The following B4GALT1 variants were observed in gnomAD, a reference collection of about 807,000 sequenced individuals.
The protein encoded by B4GALT1 is N-acetyllactosamine synthase.
A neutral mutation model predicts 34.9 loss-of-function variants in B4GALT1; 16 were observed. The observed-to-expected ratio is 0.46, with a 90% CI of 0.31 to 0.70. The LOEUF is 0.70. B4GALT1 is among the 30% of genes least tolerant of loss of function. The pLI, the probability that B4GALT1 is intolerant of heterozygous loss-of-function variation, is 0.05. For missense variants in B4GALT1, 445 were observed against 530.5 expected (o/e 0.84, Z 1.58); for synonymous variants, 221 against 218.1 (o/e 1.01, Z -0.12).
chr9:33,126,438 TTTG>T lies in B4GALT1; in HGVS notation c.649-5835_649-5833del, dbSNP rs1028280490. Among the ~76,000 whole-genome samples, 7 of 152,008 alleles carry T rather than the reference TTTG, an allele frequency of 4.6e-5. No individual in the cohort carries two copies. The South Asian group carries it at 6.2e-4, about 14-fold the overall frequency. On this transcript the variant is annotated intron_variant, in intron 2 of 5. Coordinates refer to ENST00000379731, the MANE Select transcript of B4GALT1 (RefSeq NM_001497.4). ...ACAGCAGTTGGGCTCTAGTTTTGCT[TTTG>T]TTGTTGTTGTTTTTTTGCAGGGGAG...
intron 1 of B4GALT1, among the ~76,000 whole-genome samples, chr9:33,160,691 G>A (rs899468488): frequency 5.3e-5 from 8 of 152,076 alleles, no homozygotes; most frequent in Admixed American, 2.0e-4. Flanking sequence ...CGCTTAGCCC[G>A]AGAGGTCGAG....
At chr9:33,163,388 C>T (rs79074215) in intron 1 of B4GALT1, among the ~76,000 whole-genome samples, 251 of 152,324 alleles carry the variant, frequency 1.6e-3, no homozygotes, top group African/African-American at 5.7e-3. Context: ...TCAGAGTCTT[C>T]CCTTTGAACA....
upstream of B4GALT1, among the ~76,000 whole-genome samples, chr9:33,171,370 T>C (rs1038954775): frequency 3.9e-5 from 6 of 152,180 alleles, no homozygotes; most frequent in South Asian, 2.1e-4. Context: ...CAAAGGACTC[T>C]CCATGTGGCT....
At chr9:33,139,853 C>T (rs990068492) in intron 1 of B4GALT1, among the ~76,000 whole-genome samples, 2 of 152,282 alleles carry the variant, frequency 1.3e-5, no homozygotes, top group African/African-American at 4.8e-5. Context: ...TGTGCTACCA[C>T]AGGCTCTCGG....
At chr9:33,133,774 C>G (rs1258520519) in intron 2 of B4GALT1, among the ~76,000 whole-genome samples, 5 of 151,788 alleles carry the variant, frequency 3.3e-5, no homozygotes, top group African/African-American at 1.2e-4. Context: ...AGGGCTTGTT[C>G]TGCTCTCTCC....
chr9:33,160,002 C>T (rs1202931977), intron 1 of B4GALT1, among the ~76,000 whole-genome samples: 1 of 152,236 alleles, frequency 6.6e-6, no homozygotes, highest in Non-Finnish European at 1.5e-5. Flanking sequence ...TTTGCCCCTG[C>T]CCCCAGGCAC....
At chr9:33,172,901 G>C in the B4GALT1 span, among the ~76,000 whole-genome samples, 5 of 151,416 alleles carry the variant, frequency 3.3e-5, 1 homozygote, top group African/African-American at 4.9e-5. Context: ...GCATAGACAG[G>C]GTGTCAAAGC....
At chr9:33,133,916 G>A (rs1840229701) in intron 2 of B4GALT1, among the ~76,000 whole-genome samples, 1 of 152,190 alleles carries the variant, frequency 6.6e-6, no homozygotes, top group South Asian at 2.1e-4. Context: ...GGCCCCAGCT[G>A]AGAAGCCCAT....
chr9:33,176,124 T>C, the B4GALT1 span, among the ~76,000 whole-genome samples: 2 of 152,310 alleles, frequency 1.3e-5, no homozygotes, highest in African/African-American at 2.4e-5. Context: ...GTGGCTCTTA[T>C]CTCTACCCTT....
intron 1 of B4GALT1, among the ~76,000 whole-genome samples, chr9:33,141,236 G>A (rs1840344843): frequency 6.6e-6 from 1 of 152,170 alleles, no homozygotes; most frequent in South Asian, 2.1e-4. Flanking sequence ...TGGGCATGGT[G>A]GCTCATGTCT....
At chr9:33,106,265 T>C (rs1424794774), downstream of B4GALT1, among the ~76,000 whole-genome samples, 4 of 152,240 alleles carry the variant, frequency 2.6e-5, no homozygotes, top group Non-Finnish European at 5.9e-5. Flanking sequence ...GGGAGCCTTC[T>C]TAAGGTCAGG....
intron 2 of B4GALT1, among the ~76,000 whole-genome samples, chr9:33,127,411 AG>A (rs1222177354): frequency 1.3e-5 from 2 of 152,256 alleles, no homozygotes; most frequent in Non-Finnish European, 2.9e-5. Context: ...TTAAGATACA[AG>A]TTGGAGAAAA....
At chr9:33,113,612 T>G (rs1839896432) in intron 5 of B4GALT1, 26 bp from the exon 6 acceptor site, 1 of 1,614,048 alleles carries the variant, frequency 6.2e-7, no homozygotes, top group Non-Finnish European at 8.5e-7. Flanking sequence ...CACAAGGAGA[T>G]TGTCTTAAAA....
intron 3 of B4GALT1, among the ~76,000 whole-genome samples, chr9:33,119,859 G>C (rs1458090722): frequency 1.3e-5 from 2 of 152,160 alleles, no homozygotes; most frequent in Non-Finnish European, 2.9e-5. Flanking sequence ...ATCATTTGGA[G>C]CTTAAAGATG....
At chr9:33,184,575 T>A in the B4GALT1 span, among the ~76,000 whole-genome samples, 1 of 152,196 alleles carries the variant, frequency 6.6e-6, no homozygotes, top group Non-Finnish European at 1.5e-5. Context: ...AAGAACCTCC[T>A]CCAGGTGCTC....
At chr9:33,175,487 G>A in the B4GALT1 span, among the ~76,000 whole-genome samples, 6 of 152,108 alleles carry the variant, frequency 3.9e-5, no homozygotes, top group East Asian at 3.9e-4. Context: ...GCATCATATC[G>A]GAAATTTACT....
rs1044027323 is a variant in B4GALT1 at position 33,167,110 on chromosome 9, C to G, written c.60G>C (p.Gln20His). The G allele has an allele frequency of 6.2e-7, 1 of 1,604,526 alleles. No homozygotes were observed. Among genetic ancestry groups the G allele is most frequent in the Non-Finnish European group, 8.5e-7 (1 of 1,178,300 alleles). Residue 20 changes from glutamine (Q) to histidine (H), a missense_variant, in exon 1 of 6, where the codon CAG (glutamine) becomes CAC (histidine). Transcript: ENST00000379731. ...GSAAMPGASL[Q>H]RACRLLVAVC... Reference sequence around the variant, plus strand: ...CGGCCACGAGCAGGCGGCAGGCCCGCTGTAGGGACGCGCCTGGCATCGCGG... The same window carrying G: ...CGGCCACGAGCAGGCGGCAGGCCCGGTGTAGGGACGCGCCTGGCATCGCGG...
chr9:33,178,206 G>T, the B4GALT1 span, among the ~76,000 whole-genome samples: 1 of 151,880 alleles, frequency 6.6e-6, no homozygotes, highest in African/African-American at 2.4e-5. Flanking sequence ...TGCCCAGGCT[G>T]GTCTCAAACT....
chr9:33,157,063 TACAC>T lies in B4GALT1; in HGVS notation c.412+9691_412+9694del, dbSNP rs371027641. 7.0e-3 allele frequency among the ~76,000 whole-genome samples: 610 copies of T among 87,184 alleles called. 7 individuals carry two copies. The highest frequency in any genetic ancestry group is 6.6e-3 in the Admixed American group (60 of 9,094). 57.2% of individuals were successfully genotyped at this position (87,184 alleles called of 152,430 possible). ...CCACATGGTGTCCAGCATAGGGAAC[TACAC>T]ACACACACACACACACACACACACA... On this transcript the variant is annotated intron_variant, in intron 1 of 5. Coordinates refer to ENST00000379731, the MANE Select transcript of B4GALT1 (RefSeq NM_001497.4).
Sources: allele counts gnomAD v4.1 joint callset (sites outside exome capture counted in the v4.1 genomes callset), GRCh38; gene constraint gnomAD v4.1.1; transcripts MANE v1.5; gene names NCBI Gene and HGNC (gene_info 2026-07-23, HGNC 2026-07-21).